SHOC1: variants seen among roughly 807,000 people sequenced by gnomAD.
The protein encoded by SHOC1 is protein shortage in chiasmata 1 ortholog.
In SHOC1, 136 loss-of-function variants were observed where a neutral mutation model predicts 179.2. The observed-to-expected ratio is 0.76, with a 90% CI of 0.66 to 0.87. SHOC1 has a LOEUF of 0.87. Ranked by LOEUF, SHOC1 falls within the 40% of genes least tolerant of loss-of-function variation. The pLI is 0.00. For missense variants in SHOC1, 1,538 were observed against 1,700.8 expected (o/e 0.90, Z 1.68); for synonymous variants, 489 against 586.6 (o/e 0.83, Z 2.41).
At chr9:111,751,686 G>C (rs758554052) in intron 8 of SHOC1, among the ~76,000 whole-genome samples, 6 of 152,070 alleles carry the variant, frequency 3.9e-5, no homozygotes, top group Non-Finnish European at 8.8e-5. Context: ...AATTAGATTA[G>C]CCTATGTTTC....
At chr9:111,739,332 ATATT>A (rs1199023671) in intron 11 of SHOC1, among the ~76,000 whole-genome samples, 2 of 152,124 alleles carry the variant, frequency 1.3e-5, no homozygotes, top group South Asian at 2.1e-4. Context: ...TAAACTACAC[ATATT>A]TAGAGTGAAA....
intron 13 of SHOC1, among the ~76,000 whole-genome samples, chr9:111,727,289 T>G (rs1231157032): frequency 6.6e-6 from 1 of 152,120 alleles, no homozygotes; most frequent in Non-Finnish European, 1.5e-5. Context: ...GACTGACAGC[T>G]AAAAGAGAAA....
At chr9:111,783,316 A>T (rs1050824501) in intron 3 of SHOC1, 1 of 152,140 alleles carries the variant, frequency 6.6e-6, no homozygotes, top group African/African-American at 2.4e-5. Flanking sequence ...ATCACACTCC[A>T]ATTATATTCC....
intron 11 of SHOC1, among the ~76,000 whole-genome samples, chr9:111,739,314 A>G (rs1833935091): frequency 6.6e-6 from 1 of 152,198 alleles, no homozygotes; most frequent in Admixed American, 6.5e-5. Context: ...AGTATAACTG[A>G]CATGCAATAA....
At chr9:111,764,830 A>T (rs1300094372) in intron 5 of SHOC1, among the ~76,000 whole-genome samples, 2 of 152,184 alleles carry the variant, frequency 1.3e-5, no homozygotes. Context: ...TGATGAAGTC[A>T]GGAAATTACT....
chr9:111,749,668 C>T (rs1589439475), intron 8 of SHOC1, among the ~76,000 whole-genome samples: 1 of 152,106 alleles, frequency 6.6e-6, no homozygotes, highest in Non-Finnish European at 1.5e-5. Flanking sequence ...GATGCTCTTC[C>T]TCCCCCTACA....
chr9:111,708,818 T>A (rs1232050741), intron 18 of SHOC1, among the ~76,000 whole-genome samples: 1 of 152,232 alleles, frequency 6.6e-6, no homozygotes, highest in Admixed American at 6.5e-5. Context: ...ACACAATTTA[T>A]TTTTGGTAGA....
intron 10 of SHOC1, among the ~76,000 whole-genome samples, chr9:111,744,194 GAT>G (rs5899968): frequency 0.19 from 28,763 of 152,056 alleles, 2,912 homozygotes; most frequent in Non-Finnish European, 0.22. Context: ...ATAACAGATG[GAT>G]TAGGGTGTAT....
chr9:111,760,214 T>C (rs1368962074), intron 5 of SHOC1, among the ~76,000 whole-genome samples: 1 of 152,338 alleles, frequency 6.6e-6, no homozygotes, highest in Admixed American at 6.5e-5. Context: ...TATATGGTCT[T>C]GTTTTCCATC....
At chr9:111,756,758 T>C (rs1262308903) in intron 7 of SHOC1, among the ~76,000 whole-genome samples, 3 of 152,222 alleles carry the variant, frequency 2.0e-5, no homozygotes, top group Non-Finnish European at 4.4e-5. Context: ...TCTTTTTGGC[T>C]AATAGCAAAT....
chr9:111,720,283 C>CTCATT (rs1412301010), intron 15 of SHOC1, among the ~76,000 whole-genome samples: 2 of 152,200 alleles, frequency 1.3e-5, no homozygotes, highest in African/African-American at 2.4e-5. Context: ...CAAAATGTTA[C>CTCATT]TCATTGTCTT....
intron 3 of SHOC1, 45 bp downstream of exon 3, chr9:111,785,866 GA>G: frequency 7.2e-7 from 1 of 1,390,438 alleles, no homozygotes; most frequent in Non-Finnish European, 9.3e-7. Context: ...GCTAAACTCT[GA>G]AATGGCTTTT....
Position 111,736,534 on chromosome 9 carries a change from C to T in SHOC1, c.1417+1746G>A, listed in dbSNP as rs146883072. 1.5e-4 allele frequency among the ~76,000 whole-genome samples: 23 copies of T among 152,256 alleles called. No individual in the cohort carries two copies. In the East Asian group the frequency reaches 4.1e-3, roughly 27 times the overall value. The stretch of plus-strand genomic sequence containing the variant: ...CATATACAGAAGACTAAAACTGGAT[C>T]GCTATCTTTCACCATATATAAAAAT... On this transcript the variant is annotated intron_variant, in intron 12 of 27. Coordinates refer to ENST00000682961, the MANE Select transcript of SHOC1 (RefSeq NM_001378211.1).
chr9:111,693,421 C>CAAAAAAA (rs59200447), intron 26 of SHOC1, among the ~76,000 whole-genome samples: 1 of 85,830 alleles, frequency 1.2e-5, no homozygotes, highest in Non-Finnish European at 2.3e-5. Context: ...CCCGTTTCTA[C>CAAAAAAA]AAAAAAAAAA....
rs754401106 is a variant in SHOC1 at position 111,692,513 on chromosome 9, TA to T, written c.3466-3del. 3 of 1,544,828 alleles carry T rather than the reference TA, an allele frequency of 1.9e-6. No individual in the cohort carries two copies. Among genetic ancestry groups the T allele is most frequent in the Admixed American group, 2.0e-5 (1 of 49,838 alleles). ...TAGGGAAGTGATGCTACAAAAATGC[TA>T]AAAAATGAATTAATATAATGCAAAT... On this transcript the variant is annotated splice_polypyrimidine_tract_variant and splice_region_variant and intron_variant, in intron 26 of 27. Transcript: ENST00000682961.
At chr9:111,737,947 C>T (rs1420899033) in intron 12 of SHOC1, 2 of 301,218 alleles carry the variant, frequency 6.6e-6, no homozygotes, top group East Asian at 5.7e-5. Flanking sequence ...TGCTGGTTTG[C>T]GTCTAGGCCA....
intron 5 of SHOC1, among the ~76,000 whole-genome samples, chr9:111,766,169 T>C (rs1835351352): frequency 6.6e-6 from 1 of 152,216 alleles, no homozygotes; most frequent in Admixed American, 6.5e-5. Flanking sequence ...TTTCTGTGCT[T>C]GGCTTATTTC....
At chr9:111,794,541 G>A (rs1212188510) in intron 1 of SHOC1, among the ~76,000 whole-genome samples, 9 of 152,108 alleles carry the variant, frequency 5.9e-5, no homozygotes, top group African/African-American at 2.2e-4. Context: ...CCGAGATCGT[G>A]CCACTGCACG....
chr9:111,749,647 C>G (rs1056028989), intron 8 of SHOC1, among the ~76,000 whole-genome samples: 10 of 152,104 alleles, frequency 6.6e-5, no homozygotes, highest in Admixed American at 5.2e-4. Context: ...CATCCATTAG[C>G]TATTCTTCCT....
Sources: allele counts gnomAD v4.1 joint callset (sites outside exome capture counted in the v4.1 genomes callset), GRCh38; gene constraint gnomAD v4.1.1; transcripts MANE v1.5; gene names NCBI Gene and HGNC (gene_info 2026-07-23, HGNC 2026-07-21).